The following MORC1 variants were observed in gnomAD, a reference collection of about 807,000 sequenced individuals.
MORC1 encodes MORC family CW-type zinc finger protein 1.
Under a neutral mutation model 134.9 loss-of-function variants are expected in MORC1, and 59 were observed. That is an observed-to-expected ratio of 0.44 (90% CI 0.35 to 0.54). MORC1 has a LOEUF of 0.54. Ranked by LOEUF, MORC1 falls within the 20% of genes least tolerant of loss-of-function variation. MORC1 has a pLI of 0.00. For missense variants in MORC1, 947 were observed against 1,134.5 expected (o/e 0.83, Z 2.37); for synonymous variants, 395 against 391.7 (o/e 1.01, Z -0.10).
Position 109,093,548 on chromosome 3 carries a change from G to GA in MORC1, c.584-8dup, listed in dbSNP as rs1413747094. 2.2e-5 allele frequency: 34 copies of GA among 1,579,246 alleles called. No homozygotes were observed. Among genetic ancestry groups the GA allele is most frequent in the Non-Finnish European group, 3.0e-5 (34 of 1,149,036 alleles). ...TAAATAACCAGCAAAGTACCTGGTA[G>GA]AAAAATAGATGTTTGACTTGTCAGT... On this transcript the variant is annotated splice_region_variant and splice_polypyrimidine_tract_variant and intron_variant, in intron 7 of 27. Transcript: ENST00000232603.
chr3:108,969,793 T>C (rs1048829501), intron 25 of MORC1, 71 bp from the exon 26 acceptor site: 4 of 1,427,320 alleles, frequency 2.8e-6, no homozygotes, highest in Admixed American at 1.7e-5. Context: ...CAGAGTTATA[T>C]CACACAAGCA....
chr3:108,974,849 A>T (rs770079962), intron 24 of MORC1, among the ~76,000 whole-genome samples: 1 of 152,238 alleles, frequency 6.6e-6, no homozygotes, highest in Non-Finnish European at 1.5e-5. Context: ...TTGGCTATGA[A>T]GCCCATCTCA....
chr3:109,023,833 T>C (rs1949014639), intron 17 of MORC1, among the ~76,000 whole-genome samples: 2 of 152,118 alleles, frequency 1.3e-5, no homozygotes, highest in Admixed American at 6.5e-5. Context: ...AGTGAAACAA[T>C]AGAAATAAAA....
chr3:108,978,980 T>A (rs1168128364), intron 24 of MORC1, among the ~76,000 whole-genome samples: 1 of 152,122 alleles, frequency 6.6e-6, no homozygotes, highest in South Asian at 2.1e-4. Context: ...AAGGCCCCCA[T>A]CTATTATCAG....
chr3:109,025,049 G>A (rs896354316), intron 17 of MORC1, among the ~76,000 whole-genome samples: 2 of 152,280 alleles, frequency 1.3e-5, no homozygotes, highest in East Asian at 1.9e-4. Context: ...GTGAAAGGAG[G>A]AATCAAGGTC....
chr3:109,066,097 TCCATACC>T (rs1264209126), intron 9 of MORC1, among the ~76,000 whole-genome samples: 2 of 151,790 alleles, frequency 1.3e-5, no homozygotes, highest in East Asian at 1.9e-4. Flanking sequence ...GGTGACAGGA[TCCATACC>T]CCAAACGTCA....
At chr3:109,030,381 G>A (rs954121492) in intron 16 of MORC1, among the ~76,000 whole-genome samples, 25 of 152,224 alleles carry the variant, frequency 1.6e-4, no homozygotes, top group African/African-American at 5.8e-4. Flanking sequence ...ACTGAGCAAG[G>A]TCATCAGAAC....
At chr3:109,101,615 A>T (rs547492152) in intron 4 of MORC1, 1 of 152,296 alleles carries the variant, frequency 6.6e-6, no homozygotes, top group Admixed American at 6.5e-5. Flanking sequence ...ACCTCCTATG[A>T]TATGTTCCTA....
chr3:109,093,664 T>C (rs1448854987), intron 7 of MORC1, 123 bp from the exon 8 acceptor site: 4 of 673,962 alleles, frequency 5.9e-6, no homozygotes, highest in Non-Finnish European at 1.0e-5. Flanking sequence ...CTTCAGTAAA[T>C]AGTATGTTTG....
chr3:109,117,263 G>A (rs1263416981), intron 1 of MORC1, among the ~76,000 whole-genome samples: 1 of 148,324 alleles, frequency 6.7e-6, no homozygotes, highest in Non-Finnish European at 1.5e-5. Flanking sequence ...CCATTTCTGT[G>A]GTTTCAAATT....
intron 7 of MORC1, among the ~76,000 whole-genome samples, chr3:109,093,914 T>C (rs1467448026): frequency 1.3e-5 from 2 of 152,190 alleles, no homozygotes; most frequent in Non-Finnish European, 2.9e-5. Context: ...TTAACACACA[T>C]AAAAACAAAG....
chr3:109,103,472 A>G (rs1950966825), intron 4 of MORC1, among the ~76,000 whole-genome samples: 1 of 152,184 alleles, frequency 6.6e-6, no homozygotes, highest in Non-Finnish European at 1.5e-5. Flanking sequence ...AAAATAGCCT[A>G]CAGGCACAGG....
At chr3:109,107,130 C>T (rs1180655055) in intron 3 of MORC1, among the ~76,000 whole-genome samples, 1 of 152,186 alleles carries the variant, frequency 6.6e-6, no homozygotes, top group Admixed American at 6.5e-5. Context: ...ACCCTTTCCA[C>T]GCTTCACTCA....
intron 8 of MORC1, among the ~76,000 whole-genome samples, chr3:109,077,587 A>G (rs1244619193): frequency 6.6e-6 from 1 of 152,110 alleles, no homozygotes; most frequent in Non-Finnish European, 1.5e-5. Context: ...CTAATTTGCA[A>G]ATCATTAGAA....
At chr3:109,110,464 A>C in intron 3 of MORC1, 1 of 335,400 alleles carries the variant, frequency 3.0e-6, no homozygotes, top group Non-Finnish European at 5.3e-6. Context: ...TTTTAAAAAT[A>C]AAACTGTTTC....
rs986742373 is a variant in MORC1 at position 109,020,939 on chromosome 3, A to G, written c.1704+6812T>C. Among the ~76,000 whole-genome samples, 8 of 152,196 alleles carry G rather than the reference A, an allele frequency of 5.3e-5. 1 individual carries two copies. The highest frequency in any genetic ancestry group is 1.3e-4 in the Admixed American group (2 of 15,286). Reference sequence around the variant, plus strand: ...ATCAGAACAACAGTCATGAAACACAATTCCCCAAACTGAATTCAAAATGTA... The same window carrying G: ...ATCAGAACAACAGTCATGAAACACAGTTCCCCAAACTGAATTCAAAATGTA... On this transcript the variant is annotated intron_variant, in intron 17 of 27. Coordinates refer to ENST00000232603, the MANE Select transcript of MORC1 (RefSeq NM_014429.4).
rs760750431 is a variant in MORC1, at chr3:109,027,841, G to A, written c.1614C>T (p.Ser538=). 1.2e-6 allele frequency: 2 copies of A among 1,613,716 alleles called. No individual in the cohort carries two copies. Among genetic ancestry groups the A allele is most frequent in the East Asian group, 2.2e-5 (1 of 44,852 alleles). The change falls in exon 17 of 28, where the codon AGC becomes AGT. Residue 538 remains serine, a synonymous_variant. Coordinates refer to ENST00000232603, the MANE Select transcript of MORC1 (RefSeq NM_014429.4). ...CLPSIPLGTM[S]TISPSKNEKE... ...TCTCATTTTTTGATGGTGATATTGT[G>A]CTCATGGTGCCCAGTGGGATGGAAG...
At chr3:109,043,273 T>C (rs1386139581) in intron 14 of MORC1, among the ~76,000 whole-genome samples, 2 of 151,812 alleles carry the variant, frequency 1.3e-5, no homozygotes, top group Non-Finnish European at 2.9e-5. Flanking sequence ...TGGATGAACT[T>C]TGAGGACATT....
rs114660260 is a variant in MORC1, at chr3:109,016,316, T to C, written c.1705-9225A>G. ...TTCACTTGTCCCTAACTAGCTTCTGTATCCATCTCCACAAAGATTGTTCCA... is the reference window on the plus strand; with the variant it reads ...TTCACTTGTCCCTAACTAGCTTCTGCATCCATCTCCACAAAGATTGTTCCA... On this transcript the variant is annotated intron_variant, in intron 17 of 27. Coordinates refer to ENST00000232603, the MANE Select transcript of MORC1 (RefSeq NM_014429.4). Among the ~76,000 whole-genome samples the C allele has an allele frequency of 5.1e-3, 780 of 152,316 alleles. 18 individuals are homozygous for C. The highest frequency in any genetic ancestry group is 0.018 in the African/African-American group (749 of 41,560).
Sources: gnomAD v4.1 joint callset for allele counts (sites outside exome capture counted in the v4.1 genomes callset) on GRCh38, gnomAD v4.1.1 for gene constraint, MANE v1.5 for transcripts, NCBI Gene and HGNC (gene_info 2026-07-23, HGNC 2026-07-21) for gene names.